The following ASIC2 variants were observed in gnomAD, a reference collection of about 807,000 sequenced individuals.
ASIC2 encodes acid sensing ion channel subunit 2.
ASIC2 carries 25 observed loss-of-function variants against 57.3 expected under a neutral mutation model. That is an observed-to-expected ratio of 0.44 (90% confidence interval 0.32 to 0.61). ASIC2 has a LOEUF of 0.61. Among genes scored for constraint, ASIC2 ranks in the 20% least tolerant of loss-of-function variants. The pLI, the probability that ASIC2 is intolerant of heterozygous loss-of-function variation, is 0.06. For synonymous variants in ASIC2, 319 were observed against 307.5 expected, an observed-to-expected ratio of 1.04 and a Z score of -0.39; for missense variants, 641 against 738.1, an observed-to-expected ratio of 0.87 and a Z score of 1.52.
chr17:33,960,482 T>C (rs1160208212), intron 1 of ASIC2, among the ~76,000 whole-genome samples: 1 of 152,180 alleles, frequency 6.6e-6, no homozygotes, highest in Non-Finnish European at 1.5e-5. Context: ...CCTGGACCAT[T>C]ACACTCATGG....
In ASIC2 at chr17:33,801,541, T is replaced by C. The variant is rs60301002; in HGVS notation, c.555+354437A>G. 3.5e-3 allele frequency among the ~76,000 whole-genome samples: 538 copies of C among 152,200 alleles called. 6 individuals carry two copies. Among genetic ancestry groups the C allele is most frequent in the African/African-American group, 0.012 (511 of 41,536 alleles). ...GATATCTGAGGGACCCTGGGTGAGT[T>C]ACCATCTTTAAGCTTCAATCCTCTT... On this transcript the variant is annotated intron_variant, in intron 1 of 9. Transcript: ENST00000359872.
chr17:33,579,379 A>G (rs975470692), intron 1 of ASIC2, among the ~76,000 whole-genome samples: 3 of 151,786 alleles, frequency 2.0e-5, no homozygotes, highest in South Asian at 2.1e-4. Flanking sequence ...ACAAACCTCT[A>G]ACACTCCGCC....
chr17:33,502,305 G>T (rs1914124244), intron 1 of ASIC2, among the ~76,000 whole-genome samples: 1 of 152,182 alleles, frequency 6.6e-6, no homozygotes, highest in African/African-American at 2.4e-5. Flanking sequence ...GGGACACTAG[G>T]GAGATGTTCC....
At chr17:33,588,127 C>T (rs1227167681) in intron 1 of ASIC2, among the ~76,000 whole-genome samples, 2 of 152,162 alleles carry the variant, frequency 1.3e-5, no homozygotes, top group African/African-American at 4.8e-5. Flanking sequence ...TTCAGAATGT[C>T]TCTGTTAAAA....
At chr17:33,248,269 C>G (rs1022297301) in intron 1 of ASIC2, among the ~76,000 whole-genome samples, 5 of 152,176 alleles carry the variant, frequency 3.3e-5, no homozygotes, top group Non-Finnish European at 7.3e-5. Flanking sequence ...GTTCAAGGAA[C>G]AGTGAGAAGG....
At chr17:33,974,682 C>T (rs907553054) in intron 1 of ASIC2, among the ~76,000 whole-genome samples, 1 of 151,758 alleles carries the variant, frequency 6.6e-6, no homozygotes, top group African/African-American at 2.4e-5. Flanking sequence ...CCATGAATTC[C>T]TCCATCCTAG....
At chr17:33,246,314 A>G (rs1190851446) in intron 1 of ASIC2, among the ~76,000 whole-genome samples, 1 of 152,120 alleles carries the variant, frequency 6.6e-6, no homozygotes, top group Non-Finnish European at 1.5e-5. Context: ...GTTTGCAGAG[A>G]GGGCGCAGGC....
intron 1 of ASIC2, among the ~76,000 whole-genome samples, chr17:33,966,690 G>A (rs2141995429): frequency 6.6e-6 from 1 of 152,280 alleles, no homozygotes; most frequent in East Asian, 1.9e-4. Context: ...AGAGATTAAG[G>A]ATCATAGAGG....
chr17:33,782,739 C>T (rs1490995319), intron 1 of ASIC2, among the ~76,000 whole-genome samples: 1 of 152,104 alleles, frequency 6.6e-6, no homozygotes, highest in Non-Finnish European at 1.5e-5. Context: ...CCCACTACTC[C>T]CCCACCAAAA....
At chr17:33,233,628 T>C (rs1190356703) in intron 1 of ASIC2, among the ~76,000 whole-genome samples, 1 of 152,056 alleles carries the variant, frequency 6.6e-6, no homozygotes, top group Non-Finnish European at 1.5e-5. Flanking sequence ...TGGTTTTTTT[T>C]TTTCTGAACG....
In ASIC2 at chr17:33,587,766, TC is replaced by T. The variant is rs1597798748; in HGVS notation, c.556-475700del. Among the ~76,000 whole-genome samples, 4 of 152,352 alleles carry T rather than the reference TC, an allele frequency of 2.6e-5. 1 individual carries two copies. The highest frequency in any genetic ancestry group is 1.3e-4 in the Admixed American group (2 of 15,306). On this transcript the variant is annotated intron_variant, in intron 1 of 9. Coordinates refer to the ASIC2 transcript ENST00000359872. ...TGGTTGTGATTAAGGACTGAAGTTG[TC>T]TACTCTCTCCCCTTGATAGAATTAG...
At chr17:33,818,306 C>T (rs771262774) in intron 1 of ASIC2, among the ~76,000 whole-genome samples, 7 of 152,318 alleles carry the variant, frequency 4.6e-5, no homozygotes, top group Middle Eastern at 3.4e-3. Flanking sequence ...ATCCTAAACT[C>T]TTAACCTAAA....
chr17:33,556,178 T>C (rs1358782613), intron 1 of ASIC2, among the ~76,000 whole-genome samples: 2 of 152,202 alleles, frequency 1.3e-5, no homozygotes, highest in South Asian at 2.1e-4. Flanking sequence ...GGGTGCATCA[T>C]GGTGTTACCA....
chr17:33,072,506 G>A (rs1028805134), intron 3 of ASIC2, among the ~76,000 whole-genome samples: 1 of 152,148 alleles, frequency 6.6e-6, no homozygotes, highest in East Asian at 1.9e-4. Context: ...ACTTGTATCA[G>A]GTGGCCCATC....
At chr17:33,381,684 A>G (rs1261064727) in intron 1 of ASIC2, among the ~76,000 whole-genome samples, 2 of 152,220 alleles carry the variant, frequency 1.3e-5, no homozygotes, top group Non-Finnish European at 2.9e-5. Context: ...TGCTCATGGT[A>G]TCCGACACAG....
intron 1 of ASIC2, among the ~76,000 whole-genome samples, chr17:34,107,849 T>C (rs1310184766): frequency 6.6e-6 from 1 of 152,220 alleles, no homozygotes; most frequent in Admixed American, 6.5e-5. Flanking sequence ...TTGGGGGTTA[T>C]ACTGACATTT....
At chr17:33,295,427 A>T (rs1489666160), upstream of ASIC2, among the ~76,000 whole-genome samples, 1 of 152,324 alleles carries the variant, frequency 6.6e-6, no homozygotes, top group African/African-American at 2.4e-5. Context: ...CTCTTCTCTG[A>T]CCAGTTCTTT....
At chr17:33,966,591 C>G (rs146252119) in intron 1 of ASIC2, among the ~76,000 whole-genome samples, 1 of 152,186 alleles carries the variant, frequency 6.6e-6, no homozygotes, top group Non-Finnish European at 1.5e-5. Context: ...GTTCACTAAC[C>G]ACACACCTGA....
intron 1 of ASIC2, among the ~76,000 whole-genome samples, chr17:34,062,995 A>T (rs1909027827): frequency 6.6e-6 from 1 of 152,154 alleles, no homozygotes; most frequent in East Asian, 1.9e-4. Context: ...CAGAGAAAGA[A>T]GGAACCCTCC....
Sources: gnomAD v4.1 joint callset for allele counts (sites outside exome capture counted in the v4.1 genomes callset) on GRCh38, gnomAD v4.1.1 for gene constraint, MANE v1.5 for transcripts, NCBI Gene and HGNC (gene_info 2026-07-23, HGNC 2026-07-21) for gene names.